The following ABCB1 variants were observed in gnomAD, a reference collection of about 807,000 sequenced individuals.
ABCB1 encodes ATP binding cassette subfamily B member 1.
In ABCB1, 69 loss-of-function variants were observed where a neutral mutation model predicts 142.0. The observed-to-expected ratio is 0.49, with a 90% CI of 0.40 to 0.59. ABCB1 has a LOEUF of 0.59. Among genes scored for constraint, ABCB1 ranks in the 20% least tolerant of loss-of-function variants. The pLI, the probability that ABCB1 is intolerant of heterozygous loss-of-function variation, is 0.00. For synonymous variants in ABCB1, 532 were observed against 539.2 expected (o/e 0.99, Z 0.18); for missense variants, 1,326 against 1,554.7 (o/e 0.85, Z 2.47).
At chr7:87,579,155 G>T (rs1242392154) in intron 4 of ABCB1, among the ~76,000 whole-genome samples, 2 of 152,136 alleles carry the variant, frequency 1.3e-5, no homozygotes, top group East Asian at 1.9e-4. Flanking sequence ...ATATAAGATT[G>T]TATCATCTGC....
chr7:87,662,753 A>G (rs965316568), intron 1 of ABCB1, among the ~76,000 whole-genome samples: 6 of 152,070 alleles, frequency 3.9e-5, no homozygotes, highest in African/African-American at 1.2e-4. Context: ...GTGGTTCCAT[A>G]TGAATTTTAG....
chr7:87,562,860 G>A (rs1486261662), intron 7 of ABCB1, among the ~76,000 whole-genome samples: 3 of 151,896 alleles, frequency 2.0e-5, no homozygotes, highest in East Asian at 1.9e-4. Context: ...AGGACTTTGG[G>A]GTGACAAGTG....
intron 1 of ABCB1, among the ~76,000 whole-genome samples, chr7:87,669,362 G>C (rs1383583289): frequency 6.6e-6 from 1 of 152,064 alleles, no homozygotes; most frequent in Admixed American, 6.6e-5. Flanking sequence ...TTGAGCCTAT[G>C]AGTGTCATTA....
intron 26 of ABCB1, 77 bp from the exon 27 acceptor site, chr7:87,506,120 A>G: frequency 2.1e-6 from 3 of 1,459,660 alleles, no homozygotes; most frequent in South Asian, 1.2e-5. Flanking sequence ...AAAGTAGGAT[A>G]GACGATTCTA....
Position 87,549,465 on chromosome 7 carries a change from C to T in ABCB1, c.1608G>A (p.Lys536=). 1 of 1,614,192 alleles carries T rather than the reference C, an allele frequency of 6.2e-7. No homozygotes were observed. The highest frequency in any genetic ancestry group is 8.5e-7 in the Non-Finnish European group (1 of 1,180,030). Residue 536 remains lysine, a synonymous_variant, in exon 14 of 28, where the codon AAG becomes AAA. Coordinates refer to ENST00000622132, the MANE Select transcript of ABCB1 (RefSeq NM_001348946.2). ...GGGCACGTGCAATGGCGATCCTCTG[C>T]TTCTGCCCACCACTCAACTGGGCCC... ...ERGAQLSGGQ[K]QRIAIARALV...
intron 1 of ABCB1, among the ~76,000 whole-genome samples, chr7:87,609,160 G>T (rs1819762627): frequency 6.6e-6 from 1 of 152,090 alleles, no homozygotes; most frequent in Non-Finnish European, 1.5e-5. Flanking sequence ...GAAAGAGAGT[G>T]GAAGTACCAG....
chr7:87,572,040 A>C (rs963556745), intron 4 of ABCB1, among the ~76,000 whole-genome samples: 1 of 152,240 alleles, frequency 6.6e-6, no homozygotes, highest in African/African-American at 2.4e-5. Context: ...AAACTTTTTC[A>C]GATTGAATTT....
At chr7:87,623,545 C>T (rs1034637454) in intron 1 of ABCB1, among the ~76,000 whole-genome samples, 8 of 152,214 alleles carry the variant, frequency 5.3e-5, no homozygotes, top group Non-Finnish European at 8.8e-5. Flanking sequence ...GTCTGCACTC[C>T]CTTCCATGAT....
In ABCB1 at chr7:87,550,448, T is replaced by C. The variant is rs201785950; in HGVS notation, c.1224+20A>G. 6.2e-7 allele frequency: 1 copy of C among 1,607,072 alleles called. No homozygotes were observed. Among genetic ancestry groups the C allele is most frequent in the Non-Finnish European group, 8.5e-7 (1 of 1,175,338 alleles). On this transcript the variant is annotated intron_variant, in intron 11 of 27. Coordinates refer to ENST00000622132, the MANE Select transcript of ABCB1 (RefSeq NM_001348946.2). ...CTTCATTCAATAGATTAATTGTTGA[T>C]TAATCATTTATCACTGTACCTTAAC...
chr7:87,698,906 A>G (rs577699012), intron 1 of ABCB1, among the ~76,000 whole-genome samples: 2 of 152,214 alleles, frequency 1.3e-5, no homozygotes, highest in South Asian at 2.1e-4. Flanking sequence ...GAAGTTACCT[A>G]TCATGACTTG....
chr7:87,584,559 A>G (rs1009598817), intron 4 of ABCB1, among the ~76,000 whole-genome samples: 5 of 152,162 alleles, frequency 3.3e-5, no homozygotes, highest in Non-Finnish European at 4.4e-5. Flanking sequence ...AGAGAGGGAG[A>G]GAGAGGAAAG....
At chr7:87,519,006 C>A (rs946327709) in intron 23 of ABCB1, 2 of 381,558 alleles carry the variant, frequency 5.2e-6, no homozygotes, top group African/African-American at 2.0e-5. Context: ...AGGAGCCAGT[C>A]AGACTCCTTG....
intron 3 of ABCB1, among the ~76,000 whole-genome samples, chr7:87,586,057 A>G (rs1818737489): frequency 1.3e-5 from 2 of 152,230 alleles, no homozygotes; most frequent in Non-Finnish European, 2.9e-5. Context: ...TTGAATGCCA[A>G]AGGCCCCTCT....
chr7:87,582,842 A>T (rs1818569426), intron 4 of ABCB1, among the ~76,000 whole-genome samples: 1 of 152,244 alleles, frequency 6.6e-6, no homozygotes, highest in Admixed American at 6.5e-5. Flanking sequence ...TTCAAAATGT[A>T]AAATCCATTC....
intron 1 of ABCB1, among the ~76,000 whole-genome samples, chr7:87,660,825 A>G (rs1824628799): frequency 6.6e-6 from 1 of 151,770 alleles, no homozygotes; most frequent in African/African-American, 2.4e-5. Flanking sequence ...TTGTCTTATG[A>G]GTAATTTGGA....
At chr7:87,531,138 A>T (rs1816037841) in intron 21 of ABCB1, among the ~76,000 whole-genome samples, 156 bp downstream of exon 21, 1 of 152,196 alleles carries the variant, frequency 6.6e-6, no homozygotes, top group South Asian at 2.1e-4. Flanking sequence ...ACTTTCTGTA[A>T]GTTTCTAATT....
rs28401813 is a variant in ABCB1 at position 87,507,441 on chromosome 7, C to T, written c.3490-1398G>A. ...AACAGGTTCCCAGGTGATGCTGATC[C>T]GTGTCTATACTTGAGAACCACTATC... On this transcript the variant is annotated intron_variant, in intron 26 of 27. Transcript: ENST00000622132. 1.5e-3 allele frequency among the ~76,000 whole-genome samples: 235 copies of T among 152,256 alleles called. 4 individuals carry two copies. The highest frequency in any genetic ancestry group is 0.012 in the Admixed American group (184 of 15,290).
chr7:87,640,665 A>G (rs1037609965), intron 1 of ABCB1, among the ~76,000 whole-genome samples: 3 of 152,032 alleles, frequency 2.0e-5, no homozygotes, highest in Non-Finnish European at 4.4e-5. Context: ...TTTACACTCC[A>G]ATTACATTAT....
intron 1 of ABCB1, among the ~76,000 whole-genome samples, chr7:87,638,839 C>T (rs961339622): frequency 2.0e-5 from 3 of 152,008 alleles, no homozygotes; most frequent in Non-Finnish European, 2.9e-5. Flanking sequence ...TTTTCTCTGT[C>T]GACTCCTCAG....
Sources: gnomAD v4.1 joint callset for allele counts (sites outside exome capture counted in the v4.1 genomes callset) on GRCh38, gnomAD v4.1.1 for gene constraint, MANE v1.5 for transcripts, NCBI Gene and HGNC (gene_info 2026-07-23, HGNC 2026-07-21) for gene names.